The following ZFPM2 variants were observed in gnomAD, a reference collection of about 807,000 sequenced individuals.
ZFPM2 encodes zinc finger protein ZFPM2.
In ZFPM2, 20 loss-of-function variants were observed where a neutral mutation model predicts 98.6. The observed-to-expected ratio is 0.20, with a 90% CI of 0.14 to 0.29. The LOEUF (loss-of-function observed/expected upper bound fraction) is 0.29. Ranked by LOEUF, ZFPM2 falls within the 10% of genes least tolerant of loss-of-function variation. ZFPM2 has a pLI of 1.00. For synonymous variants in ZFPM2, 518 were observed against 502.7 expected (o/e 1.03, Z -0.41); for missense variants, 1,310 against 1,388.6 (o/e 0.94, Z 0.90).
intron 5 of ZFPM2, among the ~76,000 whole-genome samples, chr8:105,652,940 G>C: frequency 6.6e-6 from 1 of 152,172 alleles, no homozygotes; most frequent in East Asian, 1.9e-4. Context: ...GCTATGTTTT[G>C]AGTGTAGATT....
At chr8:105,399,535 A>T (rs1337006835) in intron 1 of ZFPM2, among the ~76,000 whole-genome samples, 1 of 152,190 alleles carries the variant, frequency 6.6e-6, no homozygotes, top group Non-Finnish European at 1.5e-5. Context: ...TTCCAACTAG[A>T]TACAACTTCC....
At chr8:105,522,177 G>T (rs1364183086) in intron 3 of ZFPM2, among the ~76,000 whole-genome samples, 1 of 152,148 alleles carries the variant, frequency 6.6e-6, no homozygotes, top group Non-Finnish European at 1.5e-5. Flanking sequence ...ATTGTTAATA[G>T]CTCTGGCTTC....
chr8:105,783,049 C>T (rs528299521), intron 5 of ZFPM2, among the ~76,000 whole-genome samples: 92 of 152,126 alleles, frequency 6.0e-4, no homozygotes, highest in African/African-American at 2.0e-3. Flanking sequence ...ACAGGTCTCC[C>T]GAGTTCATTC....
At chr8:105,343,683 G>A (rs117095584) in intron 1 of ZFPM2, among the ~76,000 whole-genome samples, 2,779 of 152,226 alleles carry the variant, frequency 0.018, 35 homozygotes, top group Middle Eastern at 0.061. Context: ...AAGCATGGAA[G>A]CGAAGGTTTG....
rs149833279 is a variant in ZFPM2, at chr8:105,412,521, C to T, written c.41-6623C>T. ...TTCTACCATATGATTCTCTGGTCTG[C>T]TACCTGCAGGCAACAAATGTAAATG... On this transcript the variant is annotated intron_variant, in intron 1 of 7. Coordinates refer to ENST00000407775, the MANE Select transcript of ZFPM2 (RefSeq NM_012082.4). 3.2e-3 allele frequency among the ~76,000 whole-genome samples: 490 copies of T among 151,708 alleles called. 7 individuals are homozygous for T. Among genetic ancestry groups the T allele is most frequent in the African/African-American group, 0.011 (457 of 41,440 alleles).
chr8:105,716,206 A>G (rs1811519255), intron 5 of ZFPM2, among the ~76,000 whole-genome samples: 1 of 149,908 alleles, frequency 6.7e-6, no homozygotes, highest in African/African-American at 2.4e-5. Context: ...GTAAATATTC[A>G]TATATAAATG....
intron 1 of ZFPM2, among the ~76,000 whole-genome samples, chr8:105,369,723 G>A (rs975087177): frequency 1.3e-5 from 2 of 152,096 alleles, no homozygotes; most frequent in Non-Finnish European, 1.5e-5. Context: ...TGGATAATTT[G>A]TAACTTTTCT....
chr8:105,321,604 T>A (rs1035329107), intron 1 of ZFPM2, among the ~76,000 whole-genome samples: 3 of 152,166 alleles, frequency 2.0e-5, no homozygotes, highest in African/African-American at 7.2e-5. Context: ...GCACAGTTTT[T>A]TTTTTCTTTT....
At chr8:105,398,568 T>G (rs1811270235) in intron 1 of ZFPM2, among the ~76,000 whole-genome samples, 1 of 152,110 alleles carries the variant, frequency 6.6e-6, no homozygotes, top group South Asian at 2.1e-4. Context: ...ATAAAACGGG[T>G]CTGCCTCACA....
intron 5 of ZFPM2, among the ~76,000 whole-genome samples, chr8:105,647,830 A>G (rs1326708101): frequency 2.6e-5 from 4 of 152,144 alleles, no homozygotes; most frequent in East Asian, 3.9e-4. Context: ...TAGCACCACA[A>G]TAAATATACG....
intron 5 of ZFPM2, among the ~76,000 whole-genome samples, chr8:105,710,578 A>G (rs1197368172): frequency 3.9e-5 from 6 of 152,056 alleles, no homozygotes; most frequent in African/African-American, 1.2e-4. Flanking sequence ...TTGGTAATCA[A>G]TTTTACCCTA....
chr8:105,786,199 A>G (rs1586264749), intron 5 of ZFPM2, among the ~76,000 whole-genome samples: 1 of 130,684 alleles, frequency 7.7e-6, no homozygotes, highest in Admixed American at 7.4e-5. Flanking sequence ...CTGCCTACAC[A>G]TGTTTTTGCT....
intron 5 of ZFPM2, among the ~76,000 whole-genome samples, chr8:105,779,653 A>G (rs1364422663): frequency 6.6e-6 from 1 of 152,184 alleles, no homozygotes; most frequent in Non-Finnish European, 1.5e-5. Flanking sequence ...TAGGTTACTG[A>G]ATTGCTCCTG....
At chr8:105,776,775 A>G (rs1004113003) in intron 5 of ZFPM2, among the ~76,000 whole-genome samples, 4 of 152,186 alleles carry the variant, frequency 2.6e-5, no homozygotes, top group Non-Finnish European at 5.9e-5. Flanking sequence ...AAACTTACTA[A>G]GTGAATAGGG....
At chr8:105,764,824 GA>G (rs1329607225) in intron 5 of ZFPM2, among the ~76,000 whole-genome samples, 1 of 151,684 alleles carries the variant, frequency 6.6e-6, no homozygotes, top group Non-Finnish European at 1.5e-5. Flanking sequence ...TCATTTAGAA[GA>G]AAAAACACCA....
chr8:105,577,054 C>G (rs1014553203), intron 4 of ZFPM2, among the ~76,000 whole-genome samples: 2 of 152,022 alleles, frequency 1.3e-5, no homozygotes, highest in African/African-American at 4.8e-5. Context: ...AATCTAGTAG[C>G]AAGTAAATGA....
chr8:105,552,536 C>T (rs190459451), intron 3 of ZFPM2, among the ~76,000 whole-genome samples: 13 of 152,266 alleles, frequency 8.5e-5, no homozygotes, highest in Admixed American at 6.5e-4. Flanking sequence ...CTTCCAGCAG[C>T]TGAAAAGTCT....
intron 5 of ZFPM2, among the ~76,000 whole-genome samples, chr8:105,662,119 C>A (rs1376878345): frequency 6.6e-6 from 1 of 152,018 alleles, no homozygotes; most frequent in South Asian, 2.1e-4. Flanking sequence ...AGAAACAACA[C>A]GCGTGATGGA....
intron 5 of ZFPM2, among the ~76,000 whole-genome samples, chr8:105,774,782 A>G (rs933277771): frequency 6.6e-6 from 1 of 152,196 alleles, no homozygotes; most frequent in African/African-American, 2.4e-5. Context: ...CTTCTGTAGC[A>G]GCATCTGGTC....
Sources: allele counts gnomAD v4.1 joint callset (sites outside exome capture counted in the v4.1 genomes callset), GRCh38; gene constraint gnomAD v4.1.1; transcripts MANE v1.5; gene names NCBI Gene and HGNC (gene_info 2026-07-23, HGNC 2026-07-21).